Variants in SPIRE1 observed in about 807,000 individuals in gnomAD.
The protein encoded by SPIRE1 is protein spire homolog 1.
In SPIRE1, 40 loss-of-function variants were observed where a neutral mutation model predicts 94.1. The observed-to-expected ratio is 0.43, with a 90% CI of 0.33 to 0.55. SPIRE1 has a LOEUF of 0.55. Among genes scored for constraint, SPIRE1 ranks in the 20% least tolerant of loss-of-function variants. The pLI is 0.06. For missense variants in SPIRE1, 838 were observed against 975.2 expected, an observed-to-expected ratio of 0.86 and a Z score of 1.87; for synonymous variants, 376 against 371.7, an observed-to-expected ratio of 1.01 and a Z score of -0.13.
intron 2 of SPIRE1, among the ~76,000 whole-genome samples, chr18:12,607,875 G>A (rs1291680803): frequency 2.0e-5 from 3 of 151,934 alleles, no homozygotes; most frequent in African/African-American, 2.4e-5. Context: ...TCTCACCTAC[G>A]GCCGGGCGTG....
intron 2 of SPIRE1, among the ~76,000 whole-genome samples, chr18:12,615,330 A>AAAAAAAAAAAAT (rs2037257276): frequency 2.3e-5 from 1 of 44,046 alleles, no homozygotes; most frequent in African/African-American, 5.6e-5. Context: ...TCTGTCTCAA[A>AAAAAAAAAAAAT]AAAAAAAAAA....
chr18:12,609,858 G>A (rs976034290), intron 2 of SPIRE1, among the ~76,000 whole-genome samples: 2 of 151,108 alleles, frequency 1.3e-5, no homozygotes, highest in Non-Finnish European at 2.9e-5. Flanking sequence ...AGAGGCTTCC[G>A]GTGTAACCTC....
At chr18:12,476,473 C>A (rs1170058315) in intron 10 of SPIRE1, among the ~76,000 whole-genome samples, 1 of 138,292 alleles carries the variant, frequency 7.2e-6, no homozygotes, top group South Asian at 2.5e-4. Context: ...CCTGGGAGGT[C>A]GAGTTTGCAG....
intron 8 of SPIRE1, among the ~76,000 whole-genome samples, chr18:12,487,688 G>A (rs1462469451): frequency 6.6e-6 from 1 of 151,990 alleles, no homozygotes; most frequent in Non-Finnish European, 1.5e-5. Context: ...TACTGTGCCT[G>A]GCCTATCATT....
chr18:12,653,942 G>A (rs371612032), intron 1 of SPIRE1, among the ~76,000 whole-genome samples: 9 of 148,176 alleles, frequency 6.1e-5, no homozygotes, highest in African/African-American at 1.2e-4. Context: ...GCAAAACTCC[G>A]TCTCAAAAAA....
chr18:12,557,738 C>T (rs1000123520), intron 2 of SPIRE1, among the ~76,000 whole-genome samples: 2 of 150,428 alleles, frequency 1.3e-5, no homozygotes, highest in Non-Finnish European at 3.0e-5. Context: ...ATATAAAATA[C>T]CACAAATATA....
At chr18:12,646,317 C>A (rs144982368) in intron 1 of SPIRE1, among the ~76,000 whole-genome samples, 1 of 152,148 alleles carries the variant, frequency 6.6e-6, no homozygotes, top group African/African-American at 2.4e-5. Flanking sequence ...TCTGGGCTCT[C>A]ATAGTTTTCT....
chr18:12,493,054 A>C lies in SPIRE1; in HGVS notation c.1189+18T>G. The C allele has an allele frequency of 1.2e-6, 2 of 1,600,818 alleles. No individual in the cohort carries two copies. Among genetic ancestry groups the C allele is most frequent in the South Asian group, 1.1e-5 (1 of 88,216 alleles). ...CAGGGGATGACTCTAGACTGAGTAC[A>C]GGAAGCAGTGGACTCACCTAATCTG... On this transcript the variant is annotated intron_variant, in intron 8 of 16. Transcript: ENST00000409402.
chr18:12,552,388 T>C (rs911430407), intron 2 of SPIRE1, among the ~76,000 whole-genome samples: 3 of 152,114 alleles, frequency 2.0e-5, no homozygotes, highest in Non-Finnish European at 4.4e-5. Flanking sequence ...AGACCCCTTT[T>C]TTCCACTTGA....
intron 2 of SPIRE1, among the ~76,000 whole-genome samples, chr18:12,547,261 C>T (rs1222300511): frequency 6.6e-6 from 1 of 152,194 alleles, no homozygotes; most frequent in African/African-American, 2.4e-5. Context: ...TAGCAATTAA[C>T]TCAAGCCTAA....
At chr18:12,475,604 G>A (rs146161001) in intron 10 of SPIRE1, among the ~76,000 whole-genome samples, 5 of 151,456 alleles carry the variant, frequency 3.3e-5, no homozygotes, top group East Asian at 1.9e-4. Flanking sequence ...AAATGTGAAC[G>A]AAAAAAAACC....
chr18:12,638,242 T>C (rs2037991021), intron 1 of SPIRE1, among the ~76,000 whole-genome samples: 1 of 152,134 alleles, frequency 6.6e-6, no homozygotes, highest in South Asian at 2.1e-4. Context: ...CTCAGGAGTT[T>C]GAAACCAGCC....
chr18:12,530,672 T>C (rs2034655783), intron 4 of SPIRE1, among the ~76,000 whole-genome samples: 1 of 152,176 alleles, frequency 6.6e-6, no homozygotes. Flanking sequence ...TATTTGATTT[T>C]AAGAAGTTAC....
chr18:12,613,210 C>T (rs2037192253), intron 2 of SPIRE1, among the ~76,000 whole-genome samples: 1 of 152,172 alleles, frequency 6.6e-6, no homozygotes, highest in Admixed American at 6.5e-5. Flanking sequence ...GTAACCAAGT[C>T]TCTGACTAAG....
At chr18:12,654,366 G>A (rs1341018639) in intron 1 of SPIRE1, among the ~76,000 whole-genome samples, 5 of 147,462 alleles carry the variant, frequency 3.4e-5, no homozygotes, top group Non-Finnish European at 7.4e-5. Flanking sequence ...AAAAAATTTG[G>A]CTGGGCACGG....
chr18:12,463,458 G>C lies in SPIRE1; in HGVS notation c.1531C>G (p.Gln511Glu). The C allele has an allele frequency of 6.2e-7, 1 of 1,613,722 alleles. No individual in the cohort carries two copies. The highest frequency in any genetic ancestry group is 8.5e-7 in the Non-Finnish European group (1 of 1,179,794). ...TGGGGTGGCTGCCGTCTCTCTGGCT[G>C]GGGTGTTGATGATATGGGCAGGAAT... ...PKFLPISSTPQPERRQPPQRR... is the reference protein window; with the variant it reads ...PKFLPISSTPEPERRQPPQRR... Residue 511 changes from glutamine (Q) to glutamate (E), a missense_variant, in exon 12 of 17, where the codon CAG becomes GAG. By Grantham distance (29) the Gln-to-Glu change is conservative (BLOSUM62 2). This residue lies in a region of SPIRE1 where 645 missense variants were observed against 804.7 expected (regional missense o/e 0.80). Transcript: ENST00000409402.
chr18:12,525,418 T>C (rs74470541), intron 4 of SPIRE1, among the ~76,000 whole-genome samples: 9,318 of 151,240 alleles, frequency 0.062, 472 homozygotes, highest in East Asian at 0.27. Context: ...TACATTAATA[T>C]AGAAAAAACA....
chr18:12,619,483 G>A (rs2037402778), intron 2 of SPIRE1, among the ~76,000 whole-genome samples: 1 of 151,948 alleles, frequency 6.6e-6, no homozygotes, highest in African/African-American at 2.4e-5. Context: ...ACTCCAGCCT[G>A]GGCGATACAG....
chr18:12,449,428 T>A lies in SPIRE1; in HGVS notation c.*210A>T. On this transcript the variant is annotated 3_prime_UTR_variant, in exon 17 of 17. Coordinates refer to ENST00000409402, the MANE Select transcript of SPIRE1 (RefSeq NM_001128626.2). ...GTTTCAAACTGTTGTCCTCTCTCAGTGCAAACGAGCAATTGGCGGACCTGT... is the reference window on the plus strand; with the variant it reads ...GTTTCAAACTGTTGTCCTCTCTCAGAGCAAACGAGCAATTGGCGGACCTGT... The A allele has an allele frequency of 3.4e-6, 2 of 595,792 alleles. No individual in the cohort carries two copies. The highest frequency in any genetic ancestry group is 2.9e-5 in the East Asian group (1 of 34,748). 36.9% of individuals were successfully genotyped at this position (595,792 alleles called of 1,614,324 possible).
Sources: gnomAD v4.1 joint callset for allele counts (sites outside exome capture counted in the v4.1 genomes callset) on GRCh38, gnomAD v4.1.1 for gene constraint, gnomAD v4.1.1 regional missense constraint, MANE v1.5 for transcripts, NCBI Gene and HGNC (gene_info 2026-07-23, HGNC 2026-07-21) for gene names.